Variants in CCDC83 observed in about 807,000 individuals in gnomAD.
CCDC83 encodes the protein coiled-coil domain-containing protein 83.
In CCDC83, 54 loss-of-function variants were observed where a neutral mutation model predicts 50.1. The observed-to-expected ratio is 1.08, with a 90% CI of 0.87 to 1.35. The LOEUF is 1.35. CCDC83 is among the 40% of genes most tolerant of loss of function. CCDC83 has a pLI of 0.00. For synonymous variants in CCDC83, 161 were observed against 153.3 expected (o/e 1.05, Z -0.37); for missense variants, 518 against 473.9 (o/e 1.09, Z -0.86).
chr11:85,869,010 C>T (rs1188381112), intron 2 of CCDC83, among the ~76,000 whole-genome samples: 4 of 152,128 alleles, frequency 2.6e-5, no homozygotes, highest in East Asian at 1.9e-4. Context: ...TAAATGTTGT[C>T]GGATCTTGTC....
At chr11:85,884,979 G>A (rs2093319553) in intron 4 of CCDC83, among the ~76,000 whole-genome samples, 1 of 152,204 alleles carries the variant, frequency 6.6e-6, no homozygotes, top group Non-Finnish European at 1.5e-5. Flanking sequence ...GGGATGCCAA[G>A]GCGGGCAGAT....
rs538425308 is a variant in CCDC83, at chr11:85,916,658, G to A, written c.1080+425G>A. On this transcript the variant is annotated intron_variant, in intron 10 of 10. Coordinates refer to ENST00000342404, the MANE Select transcript of CCDC83 (RefSeq NM_001286159.2). ...TCATCTGAAGGCTTGATCGGGGCAG[G>A]AGTCTTCATTTCCAAGGTGGTTTAT... 1.8e-5 allele frequency: 3 copies of A among 169,692 alleles called. 1 individual carries two copies. Among genetic ancestry groups the A allele is most frequent in the South Asian group, 2.9e-4 (2 of 6,904 alleles). 10.5% of individuals were successfully genotyped at this position (169,692 alleles called of 1,614,324 possible).
In CCDC83 at chr11:85,886,316, T is replaced by A; in HGVS notation, c.460T>A (p.Ser154Thr). 1 of 1,609,572 alleles carries A rather than the reference T, an allele frequency of 6.2e-7. No homozygotes were observed. Residue 154 changes from serine (S) to threonine (T), a missense_variant, in exon 5 of 11, where the codon TCC becomes ACC. Transcript: ENST00000342404. ...TGAACGACATGCTAAACTCATTACCTCCTTACAAAATGACATCAACACAGT... is the reference window on the plus strand; with the variant it reads ...TGAACGACATGCTAAACTCATTACCACCTTACAAAATGACATCAACACAGT... ...GSERHAKLITSLQNDINTVKE... is the reference protein window; with the variant it reads ...GSERHAKLITTLQNDINTVKE...
chr11:85,903,870 G>A (rs2135110913), intron 7 of CCDC83, among the ~76,000 whole-genome samples: 1 of 152,210 alleles, frequency 6.6e-6, no homozygotes, highest in East Asian at 1.9e-4. Flanking sequence ...GGGAGGATGA[G>A]GCAGCAGGAT....
intron 2 of CCDC83, among the ~76,000 whole-genome samples, chr11:85,868,056 C>A (rs1343884591): frequency 6.6e-6 from 1 of 152,182 alleles, no homozygotes; most frequent in Non-Finnish European, 1.5e-5. Context: ...TCTCTCAGCT[C>A]CTAACAAAGC....
chr11:85,862,387 G>A (rs2093181937), intron 1 of CCDC83, among the ~76,000 whole-genome samples: 1 of 152,098 alleles, frequency 6.6e-6, no homozygotes, highest in Non-Finnish European at 1.5e-5. Flanking sequence ...GCCACAAAAG[G>A]GAGGTCACAT....
intron 5 of CCDC83, among the ~76,000 whole-genome samples, chr11:85,894,553 A>C (rs2093364022): frequency 6.6e-6 from 1 of 152,180 alleles, no homozygotes; most frequent in South Asian, 2.1e-4. Context: ...CCGATCTAAA[A>C]TTGAGAATTT....
intron 3 of CCDC83, among the ~76,000 whole-genome samples, chr11:85,880,727 C>T (rs891460939): frequency 6.6e-6 from 1 of 151,890 alleles, no homozygotes. Flanking sequence ...CTTCCTATTA[C>T]CTTTCTTCTA....
At chr11:85,864,170 G>A (rs1216661734) in intron 1 of CCDC83, among the ~76,000 whole-genome samples, 1 of 152,214 alleles carries the variant, frequency 6.6e-6, no homozygotes, top group African/African-American at 2.4e-5. Flanking sequence ...TGTGCTTAGT[G>A]AGGAAATACA....
chr11:85,865,307 T>C (rs1252523912), intron 2 of CCDC83, 89 bp downstream of exon 2: 7 of 786,840 alleles, frequency 8.9e-6, no homozygotes, highest in African/African-American at 6.9e-5. Context: ...AAACAATACA[T>C]GCAGCAGCTG....
At position 85,886,415 on chromosome 11, in the gene CCDC83, T is replaced by C. The variant is rs372949951; in HGVS notation, c.511+48T>C. 1.5e-5 allele frequency: 22 copies of C among 1,475,914 alleles called. No individual in the cohort carries two copies. The African/African-American group carries it at 3.1e-4, about 21-fold the overall frequency. 91.4% of individuals were successfully genotyped at this position (1,475,914 alleles called of 1,614,324 possible). A position where few individuals can be genotyped will look rare whatever the true frequency, so the allele number is the denominator to read the frequency against. On this transcript the variant is annotated intron_variant, in intron 5 of 10. Coordinates refer to ENST00000342404, the MANE Select transcript of CCDC83 (RefSeq NM_001286159.2). Reference sequence around the variant, plus strand: ...CAAGTTCAGTAAAAAACATCTTTAGTAGGGCATACATTGATGGAAGAAAAA... The same window carrying C: ...CAAGTTCAGTAAAAAACATCTTTAGCAGGGCATACATTGATGGAAGAAAAA...
intron 6 of CCDC83, among the ~76,000 whole-genome samples, chr11:85,896,569 T>A (rs1409542001): frequency 1.3e-5 from 2 of 152,064 alleles, no homozygotes; most frequent in Non-Finnish European, 2.9e-5. Context: ...AACAAAATAT[T>A]AAAATAAAAG....
At chr11:85,888,430 T>C (rs1210881420) in intron 5 of CCDC83, among the ~76,000 whole-genome samples, 2 of 152,260 alleles carry the variant, frequency 1.3e-5, no homozygotes, top group Non-Finnish European at 2.9e-5. Context: ...TCAAGAGCTA[T>C]ATGAATTTCC....
intron 10 of CCDC83, among the ~76,000 whole-genome samples, chr11:85,917,176 G>GA (rs1306126132): frequency 2.0e-5 from 2 of 101,918 alleles, no homozygotes; most frequent in Admixed American, 1.0e-4. Flanking sequence ...GAGAAAGAAA[G>GA]AAAGAAAGAA....
At chr11:85,902,793 C>T (rs763568507) in intron 7 of CCDC83, among the ~76,000 whole-genome samples, 1 of 152,164 alleles carries the variant, frequency 6.6e-6, no homozygotes, top group Non-Finnish European at 1.5e-5. Context: ...ACACTCAAAT[C>T]TGGCAGTCAG....
chr11:85,889,903 A>C (rs905880420), intron 5 of CCDC83, among the ~76,000 whole-genome samples: 1 of 152,184 alleles, frequency 6.6e-6, no homozygotes, highest in African/African-American at 2.4e-5. Context: ...CACCACATAG[A>C]TTTGCAATTT....
chr11:85,877,249 C>T (rs2093274267), intron 3 of CCDC83, among the ~76,000 whole-genome samples: 1 of 152,156 alleles, frequency 6.6e-6, no homozygotes. Flanking sequence ...GCAGGAGGAT[C>T]GCTTGAGGCC....
chr11:85,855,662 CTTA>C (rs1311077717), intron 1 of CCDC83, 78 bp downstream of exon 1: 1 of 152,302 alleles, frequency 6.6e-6, no homozygotes, highest in Admixed American at 6.5e-5. Context: ...GCCTTCCATT[CTTA>C]TGAGGCTTTA....
rs1038039829 is a variant in CCDC83, at chr11:85,919,416, A to C, written c.1148A>C (p.His383Pro). 15 of 1,613,684 alleles carry C rather than the reference A, an allele frequency of 9.3e-6. No individual in the cohort carries two copies. The highest frequency in any genetic ancestry group is 1.3e-5 in the Non-Finnish European group (15 of 1,179,730). ...MSVESKKMPIHFQEKEIPVKL... is the reference protein window; with the variant it reads ...MSVESKKMPIPFQEKEIPVKL... ...GTGGAGAGCAAGAAAATGCCCATTC[A>C]TTTTCAAGAGAAGGAAATTCCAGTC... Residue 383 changes from histidine (H) to proline (P), a missense_variant, in exon 11 of 11, where the codon CAT becomes CCT. By Grantham distance (77) the His-to-Pro change is moderately conservative. Transcript: ENST00000342404.
Sources: gnomAD v4.1 joint callset for allele counts (sites outside exome capture counted in the v4.1 genomes callset) on GRCh38, gnomAD v4.1.1 for gene constraint, MANE v1.5 for transcripts, NCBI Gene and HGNC (gene_info 2026-07-23, HGNC 2026-07-21) for gene names.